The following TRAPPC6A variants were observed in gnomAD, a reference collection of about 807,000 sequenced individuals.
TRAPPC6A encodes trafficking protein particle complex subunit 6A.
In TRAPPC6A, 25 loss-of-function variants were observed where a neutral mutation model predicts 20.8. The observed-to-expected ratio is 1.20, with a 90% CI of 0.88 to 1.68. The LOEUF is 1.68. Among genes scored for constraint, TRAPPC6A ranks in the 40% most tolerant of loss-of-function variants. The pLI, the probability that TRAPPC6A is intolerant of heterozygous loss-of-function variation, is 0.00. For synonymous variants in TRAPPC6A, 96 were observed against 93.3 expected, an observed-to-expected ratio of 1.03 and a Z score of -0.16; for missense variants, 215 against 211.6, an observed-to-expected ratio of 1.02 and a Z score of -0.10.
chr19:45,168,159 C>A (rs1039872209), intron 1 of TRAPPC6A, among the ~76,000 whole-genome samples: 2 of 152,008 alleles, frequency 1.3e-5, no homozygotes, highest in African/African-American at 4.8e-5. Flanking sequence ...CCCGCCACCA[C>A]GCCCAGCTAA....
Position 45,162,983 on chromosome 19 carries a change from AGG to A in TRAPPC6A, c.*207_*208del. 16 of 452,090 alleles carry A rather than the reference AGG, an allele frequency of 3.5e-5. No homozygotes were observed. The highest frequency in any genetic ancestry group is 1.7e-4 in the South Asian group (4 of 23,426). 28.0% of individuals were successfully genotyped at this position (452,090 alleles called of 1,614,324 possible). On this transcript the variant is annotated 3_prime_UTR_variant, in exon 6 of 6. Transcript: ENST00000585934. ...CAGCTACTGGGCAGTGACGCTGCCGAGGCGGGAATCCCACCACAGTCCTGACC... is the reference window on the plus strand; with the variant it reads ...CAGCTACTGGGCAGTGACGCTGCCGACGGGAATCCCACCACAGTCCTGACC...
chr19:45,166,784 C>T (rs914710495), intron 1 of TRAPPC6A, among the ~76,000 whole-genome samples: 2 of 152,170 alleles, frequency 1.3e-5, no homozygotes, highest in Admixed American at 1.3e-4. Context: ...CCTTGACCCC[C>T]ACCTTCCCTT....
Position 45,165,050 on chromosome 19 carries a change from C to G in TRAPPC6A, c.152+77G>C, listed in dbSNP as rs767066854. ...AGACAGGCCCGACTCCTGCATGGAG[C>G]AATGCAACCCTCCCCGCCCGGGGCC... is the stretch of plus-strand genomic sequence containing the variant. On this transcript the variant is annotated intron_variant, in intron 2 of 5. Transcript: ENST00000585934. The G allele has an allele frequency of 1.3e-4, 203 of 1,609,252 alleles. No individual in the cohort carries two copies. In the Middle Eastern group the frequency reaches 2.0e-3, roughly 16 times the overall value.
chr19:45,172,600 C>T lies in TRAPPC6A; in HGVS notation c.84+5535G>A, dbSNP rs569036497. On this transcript the variant is annotated intron_variant, in intron 1 of 5. Coordinates refer to ENST00000585934, the MANE Select transcript of TRAPPC6A (RefSeq NM_001270891.2). This position sits in a 1 kb window ranked among gnomAD's most constrained non-coding sequence, Gnocchi z 4.2. Reference sequence around the variant, plus strand: ...GTGAGTGAGGGGTGGGTGCGAGAAGCCTGCAGGACTTCCCTGCTGTTGCCC... The same window carrying T: ...GTGAGTGAGGGGTGGGTGCGAGAAGTCTGCAGGACTTCCCTGCTGTTGCCC... Among the ~76,000 whole-genome samples the T allele has an allele frequency of 1.3e-5, 2 of 151,738 alleles. No homozygotes were observed. The highest frequency in any genetic ancestry group is 2.1e-4 in the South Asian group (1 of 4,830).
chr19:45,165,747 G>A (rs1377650094), intron 1 of TRAPPC6A, among the ~76,000 whole-genome samples: 1 of 152,140 alleles, frequency 6.6e-6, no homozygotes, highest in Non-Finnish European at 1.5e-5. Flanking sequence ...TTGGGTGCTC[G>A]AAAAGGACAG....
chr19:45,176,347 C>A (rs928097266), intron 1 of TRAPPC6A, among the ~76,000 whole-genome samples: 3 of 151,840 alleles, frequency 2.0e-5, no homozygotes, highest in East Asian at 3.9e-4. Flanking sequence ...ACCTGTAGTC[C>A]CAACTACTCA....
At chr19:45,170,946 T>A (rs1452915778) in intron 1 of TRAPPC6A, among the ~76,000 whole-genome samples, 1 of 152,232 alleles carries the variant, frequency 6.6e-6, no homozygotes, top group East Asian at 1.9e-4. Flanking sequence ...CAGCGAGACC[T>A]GGTGGTGTCC....
In TRAPPC6A at chr19:45,163,679, G is replaced by A. The variant is rs993572282; in HGVS notation, c.448+237C>T. ...GATCAGTGAGGATAACTTCTATTGC[G>A]TCCACCTCGGCTCCCATGCTGGGAA... On this transcript the variant is annotated intron_variant, in intron 5 of 5. Coordinates refer to ENST00000585934, the MANE Select transcript of TRAPPC6A (RefSeq NM_001270891.2). This position sits in a 1 kb window ranked among gnomAD's most constrained non-coding sequence, Gnocchi z 5.3. 6.6e-6 allele frequency among the ~76,000 whole-genome samples: 1 copy of A among 152,118 alleles called. No homozygotes were observed. Among genetic ancestry groups the A allele is most frequent in the Non-Finnish European group, 1.5e-5 (1 of 68,016 alleles).
intron 1 of TRAPPC6A, among the ~76,000 whole-genome samples, chr19:45,171,739 C>A (rs1333217760): frequency 6.6e-6 from 1 of 152,154 alleles, no homozygotes; most frequent in East Asian, 1.9e-4. Context: ...ACAGGACATA[C>A]AGGGAACGAT....
At chr19:45,166,353 T>C (rs569497076) in intron 1 of TRAPPC6A, among the ~76,000 whole-genome samples, 1 of 151,524 alleles carries the variant, frequency 6.6e-6, no homozygotes, top group Non-Finnish European at 1.5e-5. Flanking sequence ...ATTACAGGCC[T>C]GTGTGCCACC....
rs1019493832 is a variant in TRAPPC6A at position 45,176,002 on chromosome 19, GT to G, written c.84+2132del. Among the ~76,000 whole-genome samples, 7 of 152,124 alleles carry G rather than the reference GT, an allele frequency of 4.6e-5. No homozygotes were observed. In the East Asian group the frequency reaches 1.4e-3, roughly 29 times the overall value. On this transcript the variant is annotated intron_variant, in intron 1 of 5. Transcript: ENST00000585934. ...TGATGGTTCACTGAGTAATCCCCAT[GT>G]TTTTTTAGAGACAGGGTCTCACTCT...
rs1247665913 is a variant in TRAPPC6A, at chr19:45,163,905, C to A, written c.448+11G>T. The A allele has an allele frequency of 6.4e-7, 1 of 1,566,296 alleles. No homozygotes were observed. Among genetic ancestry groups the A allele is most frequent in the East Asian group, 2.3e-5 (1 of 43,080 alleles). The stretch of plus-strand genomic sequence containing the variant: ...GGGATGAGAAGAATCCCCCCACCCC[C>A]CATGACTCACAGACGGGCAGGGCTG... On this transcript the variant is annotated intron_variant, in intron 5 of 5. Transcript: ENST00000585934. The surrounding 1 kb of genome is among the most constrained non-coding windows in gnomAD (Gnocchi z 5.3).
chr19:45,163,644 C>T lies in TRAPPC6A; in HGVS notation c.448+272G>A, dbSNP rs1171054266. Among the ~76,000 whole-genome samples, 1 of 152,162 alleles carries T rather than the reference C, an allele frequency of 6.6e-6. No homozygotes were observed. The highest frequency in any genetic ancestry group is 1.5e-5 in the Non-Finnish European group (1 of 68,018). ...AAGTTCCCTGGAGCCTGCCGTCGCC[C>T]CCATCGAAGGATCAGTGAGGATAAC... On this transcript the variant is annotated intron_variant, in intron 5 of 5. Coordinates refer to ENST00000585934, the MANE Select transcript of TRAPPC6A (RefSeq NM_001270891.2). This position sits in a 1 kb window ranked among gnomAD's most constrained non-coding sequence, Gnocchi z 5.3.
Position 45,162,997 on chromosome 19 carries a change from CCA to C in TRAPPC6A, c.*193_*194del, listed in dbSNP as rs1892539617. On this transcript the variant is annotated 3_prime_UTR_variant, in exon 6 of 6. Transcript: ENST00000585934. ...TGACGCTGCCGAGGCGGGAATCCCACCACAGTCCTGACCGCAGCTGGGACCCC... is the reference window on the plus strand; with the variant it reads ...TGACGCTGCCGAGGCGGGAATCCCACCAGTCCTGACCGCAGCTGGGACCCC... 1.9e-6 allele frequency: 1 copy of C among 515,640 alleles called. No individual in the cohort carries two copies. Among genetic ancestry groups the C allele is most frequent in the South Asian group, 2.9e-5 (1 of 34,292 alleles). The allele number at this position is 515,640 out of a possible 1,614,324, so 31.9% of individuals were successfully genotyped here. A position where few individuals can be genotyped will look rare whatever the true frequency, so the allele number is the denominator to read the frequency against.
chr19:45,171,899 C>T (rs192839694), intron 1 of TRAPPC6A, among the ~76,000 whole-genome samples: 47 of 152,338 alleles, frequency 3.1e-4, no homozygotes, highest in Middle Eastern at 3.4e-3. Context: ...CTTGGGAGCT[C>T]CTGGTCTCAG....
chr19:45,164,468 C>T (rs947282912), intron 3 of TRAPPC6A, among the ~76,000 whole-genome samples: 3 of 151,986 alleles, frequency 2.0e-5, no homozygotes, highest in African/African-American at 4.8e-5. Context: ...GTCCTGCCCT[C>T]GCCTCCCAGG....
intron 1 of TRAPPC6A, among the ~76,000 whole-genome samples, chr19:45,176,250 A>T (rs1969370990): frequency 6.6e-6 from 1 of 151,876 alleles, no homozygotes; most frequent in Non-Finnish European, 1.5e-5. Flanking sequence ...AGGTCAGATC[A>T]AAACCATCCT....
Position 45,178,142 on chromosome 19 carries a change from C to T in TRAPPC6A, c.77G>A (p.Gly26Asp), listed in dbSNP as rs752277364. The stretch of plus-strand genomic sequence containing the variant: ...ACGGAGCCCGGCGCTCACCCCCGGG[C>T]CGGGGTCGGGGTCGTGAGCCCACAG... ...AELWAHDPDP[G>D]PGGQKMSLSV... The change falls in exon 1 of 6, where the codon GGC becomes GAC. Residue 26 changes from glycine to aspartate, a missense_variant. By Grantham distance (94) the Gly-to-Asp change is moderately conservative. Coordinates refer to ENST00000585934, the MANE Select transcript of TRAPPC6A (RefSeq NM_001270891.2). 1.2e-6 allele frequency: 2 copies of T among 1,613,362 alleles called. No homozygotes were observed. The highest frequency in any genetic ancestry group is 2.2e-5 in the South Asian group (2 of 91,022).
rs148185826 is a variant in TRAPPC6A at position 45,163,980 on chromosome 19, G to A, written c.384C>T (p.Arg128=). 361 of 1,578,508 alleles carry A rather than the reference G, an allele frequency of 2.3e-4. No homozygotes were observed. The highest frequency in any genetic ancestry group is 2.8e-4 in the Non-Finnish European group (324 of 1,162,396). Residue 128 remains arginine (R), a synonymous_variant, in exon 5 of 6, where the codon CGC becomes CGT. Transcript: ENST00000585934. This position sits in a 1 kb window ranked among gnomAD's most constrained non-coding sequence, Gnocchi z 5.3. Reference sequence around the variant, plus strand: ...CAATGCCCAGGGTATAGAGGGCGCCGCGCAGGAGGCCGCAGGTGAAGGCCA... The same window carrying A: ...CAATGCCCAGGGTATAGAGGGCGCCACGCAGGAGGCCGCAGGTGAAGGCCA... ...KFLAFTCGLL[R]GALYTLGIES...
Sources: gnomAD v4.1 joint callset for allele counts (sites outside exome capture counted in the v4.1 genomes callset) on GRCh38, gnomAD v4.1.1 for gene constraint, Gnocchi (gnomAD v3.1) non-coding constraint, MANE v1.5 for transcripts, NCBI Gene and HGNC (gene_info 2026-07-23, HGNC 2026-07-21) for gene names.